RBMX: variants seen among roughly 807,000 people sequenced by gnomAD.
RBMX encodes the protein RNA-binding motif protein, X chromosome.
Under a neutral mutation model 29.3 loss-of-function variants are expected in RBMX, and 1 was observed. The observed-to-expected ratio is 0.03, with a 90% confidence interval of 0.01 to 0.16. The LOEUF (loss-of-function observed/expected upper bound fraction) is 0.16. Ranked by LOEUF, RBMX falls within the 10% of genes least tolerant of loss-of-function variation. RBMX has a pLI of 1.00. For missense variants in RBMX, 121 were observed against 333.2 expected, an observed-to-expected ratio of 0.36 and a Z score of 4.96; for synonymous variants, 102 against 102.3, an observed-to-expected ratio of 1.00 and a Z score of 0.02.
At chrX:136,870,596 C>T (rs1300731800), downstream of RBMX, among the ~76,000 whole-genome samples, 3 of 109,996 alleles carry the variant, frequency 2.7e-5, no homozygotes, top group Middle Eastern at 4.8e-3. Context: ...ACTGGGAGGC[C>T]GAGACAGGCA....
downstream of RBMX, among the ~76,000 whole-genome samples, chrX:136,870,694 G>A (rs968334000): frequency 2.9e-5 from 3 of 104,517 alleles, no homozygotes; most frequent in East Asian, 3.0e-4. Context: ...AGCCGGGCAC[G>A]GTGGTGCACA....
intron 4 of RBMX, 80 bp from the exon 5 acceptor site, chrX:136,876,735 A>T: frequency 1.2e-6 from 1 of 825,037 alleles, no homozygotes; most frequent in Non-Finnish European, 1.6e-6. Flanking sequence ...TTTTTTTGAG[A>T]GTCTCACTGT....
chrX:136,877,331 C>CA (rs1224262939), intron 4 of RBMX, among the ~76,000 whole-genome samples: 2 of 75,370 alleles, frequency 2.7e-5, no homozygotes, highest in Admixed American at 1.4e-4. Flanking sequence ...AAACTCTACC[C>CA]CCCCCCCCCC....
chrX:136,876,125 G>GTTT (rs778800086), intron 5 of RBMX, among the ~76,000 whole-genome samples: 30 of 77,702 alleles, frequency 3.9e-4, no homozygotes, highest in African/African-American at 1.3e-3. Context: ...TTTTTTTTTT[G>GTTT]TTTTTTTTTT....
Position 136,873,839 on chromosome X carries a change from T to C in RBMX, c.*303A>G, listed in dbSNP as rs779839566. 25 of 863,510 alleles carry C rather than the reference T, an allele frequency of 2.9e-5. No homozygotes were observed. The African/African-American group carries it at 4.6e-4, about 16-fold the overall frequency. 71.2% of individuals were successfully genotyped at this position (863,510 alleles called of 1,213,427 possible). On this transcript the variant is annotated 3_prime_UTR_variant, in exon 9 of 9. Transcript: ENST00000320676. ...TCTTAGAATTGCCTGCCTCATTTGC[T>C]GGGAAAAATCAGATAGGAAGTGGCC...
At chrX:136,871,470 G>A (rs1193499517), downstream of RBMX, among the ~76,000 whole-genome samples, 1 of 105,991 alleles carries the variant, frequency 9.4e-6, no homozygotes, top group African/African-American at 3.4e-5. Context: ...AGGTAATATT[G>A]AAATTACATA....
At chrX:136,870,845 G>T (rs1246857298), downstream of RBMX, among the ~76,000 whole-genome samples, 1 of 107,716 alleles carries the variant, frequency 9.3e-6, no homozygotes, top group Non-Finnish European at 1.9e-5. Flanking sequence ...AGTGGCTCAC[G>T]TCTATAATCT....
At chrX:136,877,579 T>TA in intron 4 of RBMX, among the ~76,000 whole-genome samples, 1 of 108,296 alleles carries the variant, frequency 9.2e-6, no homozygotes, top group African/African-American at 3.4e-5. Context: ...GCCTCCGTAG[T>TA]AGCTGGGATT....
downstream of RBMX, among the ~76,000 whole-genome samples, chrX:136,871,710 C>T (rs184611318): frequency 4.6e-5 from 5 of 108,186 alleles, no homozygotes; most frequent in East Asian, 3.0e-4. Flanking sequence ...AGTGCAATGG[C>T]GTGATCTCGG....
downstream of RBMX, among the ~76,000 whole-genome samples, chrX:136,871,818 T>G (rs1210473208): frequency 4.5e-4 from 46 of 101,850 alleles, no homozygotes; most frequent in African/African-American, 1.5e-3. Context: ...GGTGTTTTTT[T>G]TTTTTTTTTT....
chrX:136,878,732 G>A (rs1375077699), intron 3 of RBMX, among the ~76,000 whole-genome samples: 2 of 83,242 alleles, frequency 2.4e-5, no homozygotes, highest in Non-Finnish European at 4.5e-5. Context: ...GCTAGGCAAC[G>A]GAGGGAGACT....
At chrX:136,876,279 C>A (rs1045926108) in intron 5 of RBMX, among the ~76,000 whole-genome samples, 1 of 108,176 alleles carries the variant, frequency 9.2e-6, no homozygotes, top group Non-Finnish European at 1.9e-5. Flanking sequence ...ACCCGCCCTA[C>A]ACTCAGCTAA....
chrX:136,869,663 T>C (rs2077673789), downstream of RBMX: 1 of 111,022 alleles, frequency 9.0e-6, no homozygotes, highest in South Asian at 3.8e-4. Flanking sequence ...GTTAAAAATG[T>C]TGTATTATCC....
At chrX:136,870,781 T>C (rs1296435439), downstream of RBMX, among the ~76,000 whole-genome samples, 12 of 84,292 alleles carry the variant, frequency 1.4e-4, no homozygotes, top group Middle Eastern at 0.02. Context: ...TGAGAAGCCA[T>C]CTCAAAAAAA....
At chrX:136,872,376 ATC>A (rs776418190), downstream of RBMX, 33 of 1,137,923 alleles carry the variant, frequency 2.9e-5, no homozygotes, top group Admixed American at 2.6e-4. Flanking sequence ...AAAACTAGTT[ATC>A]TCTCTTAAGG....
chrX:136,873,177 T>C (rs1183272728), downstream of RBMX: 1 of 112,306 alleles, frequency 8.9e-6, no homozygotes, highest in Admixed American at 9.6e-5. Context: ...ACAGTATGTT[T>C]CACTGTACTA....
rs139814684 is a variant in RBMX at position 136,876,468 on chromosome X, G to A, written c.541+35C>T. ...TCACCTCTCAATTCTTTGTGTTACGGTAGTAGCATAAATCATCATACATGG... is the reference window on the plus strand; with the variant it reads ...TCACCTCTCAATTCTTTGTGTTACGATAGTAGCATAAATCATCATACATGG... On this transcript the variant is annotated intron_variant, in intron 5 of 8. Transcript: ENST00000320676. The A allele has an allele frequency of 1.3e-4, 144 of 1,136,863 alleles. 1 individual carries two copies. The African/African-American group carries it at 2.4e-3, about 19-fold the overall frequency. The allele number at this position is 1,136,863 out of a possible 1,213,427, so 93.7% of individuals were successfully genotyped here.
chrX:136,871,494 A>G (rs962868528), downstream of RBMX, among the ~76,000 whole-genome samples: 1 of 109,859 alleles, frequency 9.1e-6, no homozygotes, highest in Non-Finnish European at 1.9e-5. Flanking sequence ...TGTCGTCATT[A>G]TGTCAATGTC....
At position 136,874,262 on chromosome X, in the gene RBMX, A is replaced by G. The variant is rs374447729; in HGVS notation, c.1056T>C (p.Ser352=). 2 of 1,212,763 alleles carry G rather than the reference A, an allele frequency of 1.6e-6. No individual in the cohort carries two copies. The highest frequency in any genetic ancestry group is 3.4e-5 in the African/African-American group (2 of 58,193). Residue 352 remains serine, a synonymous_variant, in exon 9 of 9, where the codon TCT becomes TCC. Coordinates refer to ENST00000320676, the MANE Select transcript of RBMX (RefSeq NM_002139.4). The part of the protein sequence containing the change: ...VGRQERGLPP[S]MERGYPPPRD... ...GTGGAGGAGGGTACCCCCTTTCCAT[A>G]GAAGGGGGAAGCCCTCTTTCTTGTC...
Sources: allele counts gnomAD v4.1 joint callset (sites outside exome capture counted in the v4.1 genomes callset), GRCh38; gene constraint gnomAD v4.1.1; transcripts MANE v1.5; gene names NCBI Gene and HGNC (gene_info 2026-07-23, HGNC 2026-07-21).